The following NAP1L1 variants were observed in gnomAD, a reference collection of about 807,000 sequenced individuals.
NAP1L1 encodes the protein nucleosome assembly protein 1 like 1.
A neutral mutation model predicts 58.9 loss-of-function variants in NAP1L1; 9 were observed. The observed-to-expected ratio is 0.15, with a 90% CI of 0.09 to 0.27. The LOEUF is 0.27. Ranked by LOEUF, NAP1L1 falls within the 10% of genes least tolerant of loss-of-function variation. The pLI is 1.00. For missense variants in NAP1L1, 302 were observed against 458.8 expected (o/e 0.66, Z 3.12); for synonymous variants, 130 against 138.3 (o/e 0.94, Z 0.42).
chr12:76,083,240 C>T (rs1398494481), intron 1 of NAP1L1, among the ~76,000 whole-genome samples: 2 of 152,104 alleles, frequency 1.3e-5, no homozygotes, highest in Admixed American at 6.5e-5. Flanking sequence ...CTCATTCCAT[C>T]CCACCTCCCA....
rs1404989731 is a variant in NAP1L1, at chr12:76,046,579, C to G, written c.*1850G>C. The G allele has an allele frequency of 6.6e-6, 1 of 152,194 alleles. No individual in the cohort carries two copies. The highest frequency in any genetic ancestry group is 1.5e-5 in the Non-Finnish European group (1 of 67,846). 9.4% of individuals were successfully genotyped at this position (152,194 alleles called of 1,614,324 possible). A position where few individuals can be genotyped will look rare whatever the true frequency, so the allele number is the denominator to read the frequency against. ...GCTATTATAATTGGTTAAGGATTTCCAGTAGTAAGTTAAAATCTCAGGAGA... is the reference window on the plus strand; with the variant it reads ...GCTATTATAATTGGTTAAGGATTTCGAGTAGTAAGTTAAAATCTCAGGAGA... On this transcript the variant is annotated 3_prime_UTR_variant, in exon 15 of 15. Transcript: ENST00000618691.
Position 76,041,338 on chromosome 12 carries a change from G to A in NAP1L1, c.*7091C>T, listed in dbSNP as rs945745534. On this transcript the variant is annotated 3_prime_UTR_variant, in exon 15 of 15. Transcript: ENST00000618691. ...AGTGTTTCTAGAGTATTTTGAACTG[G>A]TTCAAAACCAGTTCAGATTTATAGA... The A allele has an allele frequency of 5.9e-5, 9 of 152,114 alleles. No individual in the cohort carries two copies. Among genetic ancestry groups the A allele is most frequent in the African/African-American group, 2.2e-4 (9 of 41,412 alleles). 9.4% of individuals were successfully genotyped at this position (152,114 alleles called of 1,614,324 possible).
At chr12:76,070,762 ATATAAAAT>A (rs1156790034) in intron 2 of NAP1L1, among the ~76,000 whole-genome samples, 47 of 152,198 alleles carry the variant, frequency 3.1e-4, no homozygotes, top group Non-Finnish European at 5.6e-4. Context: ...CAAGTCCCTT[ATATAAAAT>A]GGCACAGTAA....
At chr12:76,060,756 A>G (rs1949368851) in intron 4 of NAP1L1, among the ~76,000 whole-genome samples, 1 of 152,238 alleles carries the variant, frequency 6.6e-6, no homozygotes, top group Admixed American at 6.5e-5. Context: ...ATTATTAAAT[A>G]CAAGTGTAAC....
intron 11 of NAP1L1, among the ~76,000 whole-genome samples, chr12:76,052,022 A>C (rs1332581231): frequency 1.3e-5 from 2 of 151,934 alleles, no homozygotes; most frequent in South Asian, 4.1e-4. Flanking sequence ...TCAAAAAAAA[A>C]ATAATAATAA....
chr12:76,079,684 A>ATTT (rs202002589), intron 1 of NAP1L1, among the ~76,000 whole-genome samples: 8 of 140,690 alleles, frequency 5.7e-5, no homozygotes, highest in Admixed American at 7.1e-5. Flanking sequence ...GCTTGAAGGC[A>ATTT]TTTTTTTTTT....
rs1948647814 is a variant in NAP1L1, at chr12:76,047,738, C to CT, written c.*690dup. 6.6e-6 allele frequency: 1 copy of CT among 151,994 alleles called. No individual in the cohort carries two copies. The highest frequency in any genetic ancestry group is 1.5e-5 in the Non-Finnish European group (1 of 67,930). The allele number at this position is 151,994 out of a possible 1,614,324, so 9.4% of individuals were successfully genotyped here. A position where few individuals can be genotyped will look rare whatever the true frequency, so the allele number is the denominator to read the frequency against. ...TAGACCCTACCACAAAGAAAAGATG[C>CT]TTAGTTAATGGAGGTTAAATTTAAA... is the stretch of plus-strand genomic sequence containing the variant. On this transcript the variant is annotated 3_prime_UTR_variant, in exon 15 of 15. Transcript: ENST00000618691.
rs1334586708 is a variant in NAP1L1 at position 76,036,816 on chromosome 12, T to C, written c.*11613A>G. On this transcript the variant is annotated 3_prime_UTR_variant, in exon 15 of 15. Transcript: ENST00000618691. ...GGCTGGGCGCGGTGGCTCACGCCTG[T>C]AATCCCAACACTTTGGGAGGCTGAG... is the stretch of plus-strand genomic sequence containing the variant. 6.6e-6 allele frequency: 1 copy of C among 152,012 alleles called. No homozygotes were observed. Among genetic ancestry groups the C allele is most frequent in the African/African-American group, 2.4e-5 (1 of 41,338 alleles). The allele number at this position is 152,012 out of a possible 1,614,324, so 9.4% of individuals were successfully genotyped here. A position where few individuals can be genotyped will look rare whatever the true frequency, so the allele number is the denominator to read the frequency against.
intron 2 of NAP1L1, among the ~76,000 whole-genome samples, chr12:76,070,882 T>C (rs1682801303): frequency 6.6e-6 from 1 of 152,208 alleles, no homozygotes; most frequent in Admixed American, 6.5e-5. Context: ...ATAGTTGTAT[T>C]ATGCTGGGCC....
At chr12:76,079,177 T>C (rs573001992) in intron 1 of NAP1L1, among the ~76,000 whole-genome samples, 32 of 152,198 alleles carry the variant, frequency 2.1e-4, no homozygotes, top group Non-Finnish European at 3.5e-4. Context: ...ATCCTCAATA[T>C]GTTGAAAATA....
intron 9 of NAP1L1, 88 bp downstream of exon 9, chr12:76,053,681 AC>A (rs780891561): frequency 7.0e-7 from 1 of 1,430,072 alleles, no homozygotes; most frequent in Non-Finnish European, 9.5e-7. Flanking sequence ...CAGACTATGT[AC>A]ATATGTAACT....
intron 6 of NAP1L1, chr12:76,058,191 C>CTACA (rs1555182274): frequency 1.6e-4 from 49 of 315,552 alleles, no homozygotes; most frequent in South Asian, 1.2e-3. Context: ...GGAGAGAGGC[C>CTACA]TACATATATA....
rs1396873922 is a variant in NAP1L1, at chr12:76,075,180, C to T, written c.-20-941G>A. On this transcript the variant is annotated intron_variant, in intron 1 of 14. Transcript: ENST00000618691. The stretch of plus-strand genomic sequence containing the variant: ...ATGTTAAAATCAAGTTTATCTTAGC[C>T]AGGCACAGTGGCACGAGCCTGTAAT... Among the ~76,000 whole-genome samples, 4 of 152,098 alleles carry T rather than the reference C, an allele frequency of 2.6e-5. No individual in the cohort carries two copies. In the South Asian group the frequency reaches 8.3e-4, roughly 32 times the overall value.
In NAP1L1 at chr12:76,056,054, G is replaced by C. The variant is rs745410509; in HGVS notation, c.537C>G (p.Asp179Glu). The C allele has an allele frequency of 6.2e-6, 10 of 1,611,888 alleles. No homozygotes were observed. The highest frequency in any genetic ancestry group is 1.3e-5 in the African/African-American group (1 of 74,934). ...TTACCTGAACCATATCACTGAGCAA[G>C]TCAACATTCTTAAAAACAGTTAACC... ...EFWLTVFKNV[D>E]LLSDMVQEHD... Residue 179 changes from aspartate to glutamate, a missense_variant, in exon 7 of 15, where the codon GAC becomes GAG. By Grantham distance (45) the Asp-to-Glu change is conservative. Transcript: ENST00000618691.
chr12:76,076,109 C>T (rs993265724), intron 1 of NAP1L1, among the ~76,000 whole-genome samples: 4 of 152,160 alleles, frequency 2.6e-5, no homozygotes, highest in African/African-American at 9.7e-5. Flanking sequence ...TTTCCATGTT[C>T]ACCTAGAAGG....
At chr12:76,057,191 G>A (rs1453473368) in intron 6 of NAP1L1, 3 of 208,030 alleles carry the variant, frequency 1.4e-5, no homozygotes, top group Non-Finnish European at 2.9e-5. Context: ...AACTTGGGAG[G>A]CTGAGGTGGG....
At chr12:76,059,949 T>A in intron 5 of NAP1L1, 71 bp from the exon 6 acceptor site, 1 of 1,311,140 alleles carries the variant, frequency 7.6e-7, no homozygotes, top group Non-Finnish European at 1.1e-6. Flanking sequence ...GGTTTCTCAC[T>A]AAGAAGTCTT....
intron 2 of NAP1L1, among the ~76,000 whole-genome samples, chr12:76,073,515 CA>C (rs1734377691): frequency 6.6e-6 from 1 of 152,092 alleles, no homozygotes; most frequent in Admixed American, 6.5e-5. Context: ...TATAAAGCCT[CA>C]CAAAACTTGA....
At chr12:76,049,684 T>C (rs949753212) in intron 13 of NAP1L1, 72 bp downstream of exon 13, 82 of 1,577,882 alleles carry the variant, frequency 5.2e-5, no homozygotes, top group Non-Finnish European at 6.9e-5. Context: ...AGCAAAGGAA[T>C]ACATAAGTCA....
Sources: gnomAD v4.1 joint callset for allele counts (sites outside exome capture counted in the v4.1 genomes callset) on GRCh38, gnomAD v4.1.1 for gene constraint, MANE v1.5 for transcripts, NCBI Gene and HGNC (gene_info 2026-07-23, HGNC 2026-07-21) for gene names.